The following CUX2 variants were observed in gnomAD, a reference collection of about 807,000 sequenced individuals.
CUX2 encodes the protein cut like homeobox 2, also known as homeobox protein cut-like 2.
CUX2 carries 40 observed loss-of-function variants against 144.8 expected under a neutral mutation model. The observed-to-expected ratio is 0.28, with a 90% confidence interval of 0.21 to 0.36. The LOEUF (loss-of-function observed/expected upper bound fraction) is 0.36, where lower values mean the gene tolerates loss of function less well. Among genes scored for constraint, CUX2 ranks in the 10% least tolerant of loss-of-function variants. The pLI, the probability that CUX2 is intolerant of heterozygous loss-of-function variation, is 1.00. For missense variants in CUX2, 1,615 were observed against 1,994.0 expected (o/e 0.81, Z 3.62); for synonymous variants, 827 against 875.6 (o/e 0.94, Z 0.98).
chr12:111,328,972 T>TCTCTCTCTCTCCCC (rs1198113973), intron 18 of CUX2, among the ~76,000 whole-genome samples: 2 of 80,020 alleles, frequency 2.5e-5, no homozygotes, highest in Non-Finnish European at 4.2e-5. Context: ...TCTCTCTCTC[T>TCTCTCTCTCTCCCC]CTCCCCCTCT....
intron 1 of CUX2, among the ~76,000 whole-genome samples, chr12:111,125,930 G>A (rs1033170314): frequency 4.6e-5 from 7 of 151,960 alleles, no homozygotes; most frequent in African/African-American, 1.5e-4. Flanking sequence ...GAAACTAAAC[G>A]AAACACATCT....
intron 1 of CUX2, among the ~76,000 whole-genome samples, chr12:111,122,402 T>C (rs1189606734): frequency 6.6e-6 from 1 of 151,918 alleles, no homozygotes; most frequent in Non-Finnish European, 1.5e-5. Flanking sequence ...CAGCCCTTTA[T>C]GGAGATGGAG....
intron 1 of CUX2, among the ~76,000 whole-genome samples, chr12:111,184,573 CA>C (rs71445536): frequency 0.041 from 1,933 of 46,898 alleles, 6 homozygotes; most frequent in Non-Finnish European, 0.048. Flanking sequence ...TTCTCTCTAC[CA>C]AAAAAAAAAA....
Position 111,338,341 on chromosome 12 carries a change from C to G in CUX2, c.3252C>G (p.Asp1084Glu). 6.2e-7 allele frequency: 1 copy of G among 1,614,018 alleles called. No individual in the cohort carries two copies. The highest frequency in any genetic ancestry group is 8.5e-7 in the Non-Finnish European group (1 of 1,179,988). ...GTCTGACACAGGGCTCCGTGTCTGA[C>G]CTGCTGTCCCGGCCCAAACCCTGGC... Reference protein sequence around the residue: ...ILGLTQGSVSDLLSRPKPWHK... With the variant: ...ILGLTQGSVSELLSRPKPWHK... The change falls in exon 20 of 22, where the codon GAC becomes GAG. Residue 1084 changes from aspartate to glutamate, a missense_variant. Physicochemically the swap from Asp to Glu is conservative, Grantham distance 45 (BLOSUM62 2). Coordinates refer to ENST00000261726, the MANE Select transcript of CUX2 (RefSeq NM_015267.4).
intron 1 of CUX2, among the ~76,000 whole-genome samples, chr12:111,090,350 G>A (rs55635063): frequency 0.044 from 6,657 of 152,120 alleles, 255 homozygotes; most frequent in South Asian, 0.18. Flanking sequence ...TGCAACCTCC[G>A]CCTCCTGGGT....
intron 1 of CUX2, among the ~76,000 whole-genome samples, chr12:111,175,110 A>T: frequency 6.6e-6 from 1 of 152,184 alleles, no homozygotes; most frequent in Non-Finnish European, 1.5e-5. Flanking sequence ...ATCCCTGGTG[A>T]AACAGCAACA....
intron 4 of CUX2, among the ~76,000 whole-genome samples, chr12:111,266,176 G>C (rs557978337): frequency 9.2e-5 from 14 of 152,110 alleles, no homozygotes; most frequent in African/African-American, 3.4e-4. Flanking sequence ...CCAATGACTG[G>C]TGTTGTAAGA....
chr12:111,048,772 G>A (rs1295623641), intron 1 of CUX2, among the ~76,000 whole-genome samples: 1 of 152,204 alleles, frequency 6.6e-6, no homozygotes, highest in Non-Finnish European at 1.5e-5. Flanking sequence ...GTCGTGTGCT[G>A]ACTTTCATAT....
At chr12:111,041,304 A>C (rs754708531) in intron 1 of CUX2, among the ~76,000 whole-genome samples, 1 of 152,222 alleles carries the variant, frequency 6.6e-6, no homozygotes, top group Non-Finnish European at 1.5e-5. Context: ...GTGACTTCCT[A>C]TTGTCATTGG....
At chr12:111,100,959 A>G (rs1307200633) in intron 1 of CUX2, among the ~76,000 whole-genome samples, 1 of 152,146 alleles carries the variant, frequency 6.6e-6, no homozygotes, top group East Asian at 1.9e-4. Flanking sequence ...CTCCAGTCAG[A>G]GCCTGGAAAA....
Position 111,322,711 on chromosome 12 carries a change from A to G in CUX2, c.2926+131A>G. The G allele has an allele frequency of 8.3e-7, 1 of 1,198,886 alleles. No homozygotes were observed. Among genetic ancestry groups the G allele is most frequent in the East Asian group, 2.6e-5 (1 of 38,982 alleles). The allele number at this position is 1,198,886 out of a possible 1,614,324, so 74.3% of individuals were successfully genotyped here. On this transcript the variant is annotated intron_variant, in intron 18 of 21. Transcript: ENST00000261726. This position sits in a 1 kb window ranked among gnomAD's most constrained non-coding sequence, Gnocchi z 4.2. ...TGCTGCCCTGGCTTTCATCCCAGTC[A>G]CTGTCATGGCTGCACTGGAACATGG...
chr12:111,304,032 G>C lies in CUX2; in HGVS notation c.754-178G>C. ...CAGAGGCTGCTATTTCTTGTCCCCA[G>C]CCCAGACAGGGCTCTGTGACTGGTC... is the stretch of plus-strand genomic sequence containing the variant. On this transcript the variant is annotated intron_variant, in intron 9 of 21. Coordinates refer to ENST00000261726, the MANE Select transcript of CUX2 (RefSeq NM_015267.4). This position sits in a 1 kb window ranked among gnomAD's most constrained non-coding sequence, Gnocchi z 4.7. 2 of 572,024 alleles carry C rather than the reference G, an allele frequency of 3.5e-6. No homozygotes were observed. The highest frequency in any genetic ancestry group is 6.3e-6 in the Non-Finnish European group (2 of 319,260). 35.4% of individuals were successfully genotyped at this position (572,024 alleles called of 1,614,324 possible). A position where few individuals can be genotyped will look rare whatever the true frequency, so the allele number is the denominator to read the frequency against.
chr12:111,334,477 C>G lies in CUX2; in HGVS notation c.2963C>G (p.Pro988Arg). The change falls in exon 19 of 22, where the codon CCC becomes CGC. Residue 988 changes from proline (P) to arginine (R), a missense_variant. Physicochemically the swap from Pro to Arg is moderately radical, Grantham distance 103. This residue lies in a region of CUX2 where 128 missense variants were observed against 124.4 expected (regional missense o/e 1.03). Coordinates refer to ENST00000261726, the MANE Select transcript of CUX2 (RefSeq NM_015267.4). ...GAACCAAGGTCCTCACCATCCCCAC[C>G]CCCCAGCCCCACAGAGCCTGAGAAG... Reference protein sequence around the residue: ...PTEPRSSPSPPPSPTEPEKSS... With the variant: ...PTEPRSSPSPRPSPTEPEKSS... 1 of 1,607,674 alleles carries G rather than the reference C, an allele frequency of 6.2e-7. No individual in the cohort carries two copies. Among genetic ancestry groups the G allele is most frequent in the Non-Finnish European group, 8.5e-7 (1 of 1,176,852 alleles).
At chr12:111,148,012 G>A (rs1339582943) in intron 1 of CUX2, among the ~76,000 whole-genome samples, 1 of 152,138 alleles carries the variant, frequency 6.6e-6, no homozygotes, top group Non-Finnish European at 1.5e-5. Context: ...AAAACTAGAA[G>A]GACCATTTGA....
chr12:111,163,331 C>T (rs1338174464), intron 1 of CUX2, among the ~76,000 whole-genome samples: 1 of 152,222 alleles, frequency 6.6e-6, no homozygotes, highest in East Asian at 1.9e-4. Flanking sequence ...TTACAGGCCG[C>T]ATGGTCTGTG....
intron 16 of CUX2, among the ~76,000 whole-genome samples, chr12:111,314,639 T>TAAAA (rs954472479): frequency 8.6e-5 from 2 of 23,236 alleles, no homozygotes; most frequent in African/African-American, 1.6e-4. Context: ...AAACTCAGTC[T>TAAAA]AAAAAAAAAA....
chr12:111,083,357 G>C (rs1382463567), intron 1 of CUX2, among the ~76,000 whole-genome samples: 1 of 152,134 alleles, frequency 6.6e-6, no homozygotes, highest in East Asian at 1.9e-4. Context: ...AGGAGACCAC[G>C]AAGGAGACAG....
chr12:111,294,015 G>A (rs180889748), intron 6 of CUX2, among the ~76,000 whole-genome samples: 152 of 152,344 alleles, frequency 1.0e-3, no homozygotes, highest in Non-Finnish European at 1.8e-3. Context: ...TTTTAGAGAT[G>A]GGATCTTGCT....
In CUX2 at chr12:111,061,060, C is replaced by T. The variant is rs531367580; in HGVS notation, c.63+26820C>T. Among the ~76,000 whole-genome samples the T allele has an allele frequency of 1.1e-4, 17 of 152,136 alleles. No homozygotes were observed. The highest frequency in any genetic ancestry group is 3.4e-4 in the African/African-American group (14 of 41,390). On this transcript the variant is annotated intron_variant, in intron 1 of 21. Coordinates refer to ENST00000261726, the MANE Select transcript of CUX2 (RefSeq NM_015267.4). This position sits in a 1 kb window ranked among gnomAD's most constrained non-coding sequence, Gnocchi z 4.2. ...CAGCTGGCCCTGCTGCCCCCTCCCCCGCTTCCTTGGGGCTGTTCATGGGAG... is the reference window on the plus strand; with the variant it reads ...CAGCTGGCCCTGCTGCCCCCTCCCCTGCTTCCTTGGGGCTGTTCATGGGAG...
Sources: allele counts gnomAD v4.1 joint callset (sites outside exome capture counted in the v4.1 genomes callset), GRCh38; gene constraint gnomAD v4.1.1; regional missense constraint gnomAD v4.1.1; non-coding constraint Gnocchi (gnomAD v3.1); transcripts MANE v1.5; gene names NCBI Gene and HGNC (gene_info 2026-07-23, HGNC 2026-07-21).